SDCCAG8: variants seen among roughly 807,000 people sequenced by gnomAD.
The protein encoded by SDCCAG8 is SHH signaling and ciliogenesis regulator SDCCAG8.
A neutral mutation model predicts 101.8 loss-of-function variants in SDCCAG8; 74 were observed. The ratio of observed to expected loss-of-function variants is 0.73; its 90% CI spans 0.60 to 0.88. The LOEUF (loss-of-function observed/expected upper bound fraction) is 0.88, where lower values mean the gene tolerates loss of function less well. SDCCAG8 is among the 40% of genes least tolerant of loss of function. The pLI is 0.00. For synonymous variants in SDCCAG8, 281 were observed against 292.9 expected, an observed-to-expected ratio of 0.96 and a Z score of 0.41; for missense variants, 787 against 822.6, an observed-to-expected ratio of 0.96 and a Z score of 0.53.
intron 4 of SDCCAG8, among the ~76,000 whole-genome samples, chr1:243,278,750 A>G (rs996118479): frequency 1.3e-5 from 2 of 151,962 alleles, no homozygotes; most frequent in African/African-American, 2.4e-5. Flanking sequence ...TTTCCAATAT[A>G]TTTAGATTTT....
chr1:243,286,351 A>G lies in SDCCAG8; in HGVS notation c.500A>G (p.Gln167Arg), dbSNP rs1437289653. 1 of 1,613,926 alleles carries G rather than the reference A, an allele frequency of 6.2e-7. No individual in the cohort carries two copies. Among genetic ancestry groups the G allele is most frequent in the East Asian group, 2.2e-5 (1 of 44,896 alleles). The change falls in exon 5 of 18, where the codon CAA (glutamine) becomes CGA (arginine). Residue 167 changes from glutamine (Q) to arginine (R), a missense_variant. Physicochemically the swap from Gln to Arg is conservative, Grantham distance 43 (BLOSUM62 1). Coordinates refer to ENST00000366541, the MANE Select transcript of SDCCAG8 (RefSeq NM_006642.5). ...NEGLQQQLKS[Q>R]RQEETLREQT... Reference sequence around the variant, plus strand: ...GGGCTCCAGCAACAGCTAAAATCTCAAAGACAAGAGGAGACACTGAGGGAA... The same window carrying G: ...GGGCTCCAGCAACAGCTAAAATCTCGAAGACAAGAGGAGACACTGAGGGAA...
chr1:243,415,995 G>T (rs2080557883), intron 14 of SDCCAG8, among the ~76,000 whole-genome samples, 166 bp downstream of exon 14: 1 of 152,194 alleles, frequency 6.6e-6, no homozygotes, highest in South Asian at 2.1e-4. Flanking sequence ...GTTTAAAAGA[G>T]AAAATGGAAA....
At chr1:243,262,075 G>A (rs2067235108) in intron 1 of SDCCAG8, among the ~76,000 whole-genome samples, 2 of 150,876 alleles carry the variant, frequency 1.3e-5, no homozygotes, top group South Asian at 2.1e-4. Flanking sequence ...CTCCCAAAGT[G>A]CTGGGATTAC....
chr1:243,350,434 T>C (rs1179779338), intron 12 of SDCCAG8, among the ~76,000 whole-genome samples: 1 of 152,094 alleles, frequency 6.6e-6, no homozygotes, highest in Non-Finnish European at 1.5e-5. Context: ...CCCAGGCTGG[T>C]CTTGAACTCC....
At chr1:243,466,485 G>A (rs1421094619) in intron 16 of SDCCAG8, among the ~76,000 whole-genome samples, 2 of 152,174 alleles carry the variant, frequency 1.3e-5, no homozygotes, top group African/African-American at 4.8e-5. Context: ...TGTGCTATGC[G>A]ATTTTAGGGC....
At position 243,299,109 on chromosome 1, in the gene SDCCAG8, G is replaced by C. The variant is rs1573075517; in HGVS notation, c.676-5604G>C. ...TCAATAACCTTTCATAGTCTTCTGA[G>C]TGAAGGTTTCATACATCTTTCATTA... On this transcript the variant is annotated intron_variant, in intron 6 of 17. Transcript: ENST00000366541. Among the ~76,000 whole-genome samples the C allele has an allele frequency of 2.6e-5, 4 of 152,288 alleles. No homozygotes were observed. In the South Asian group the frequency reaches 8.3e-4, roughly 32 times the overall value.
At chr1:243,264,973 G>A (rs924074639) in intron 1 of SDCCAG8, among the ~76,000 whole-genome samples, 6 of 152,144 alleles carry the variant, frequency 3.9e-5, no homozygotes, top group Admixed American at 6.5e-5. Context: ...GATAGGAAAC[G>A]GTAACTGGAA....
chr1:243,280,203 T>G (rs1034709140), intron 4 of SDCCAG8, among the ~76,000 whole-genome samples: 1 of 152,194 alleles, frequency 6.6e-6, no homozygotes, highest in African/African-American at 2.4e-5. Flanking sequence ...GTTCATAGTA[T>G]TTCTTTGTTA....
intron 6 of SDCCAG8, among the ~76,000 whole-genome samples, chr1:243,300,065 A>G (rs144347108): frequency 0.017 from 2,614 of 151,750 alleles, 81 homozygotes; most frequent in African/African-American, 0.06. Context: ...GGGTTTCACT[A>G]TGTTTGCCAG....
At chr1:243,266,795 T>TAAAG (rs2067632874) in intron 1 of SDCCAG8, among the ~76,000 whole-genome samples, 5 of 61,488 alleles carry the variant, frequency 8.1e-5, no homozygotes, top group Non-Finnish European at 1.5e-4. Context: ...AAAAAGAAAT[T>TAAAG]AGCTGGGCAC....
In SDCCAG8 at chr1:243,324,267, G is replaced by C. The variant is rs567776215; in HGVS notation, c.1069-6273G>C. Among the ~76,000 whole-genome samples the C allele has an allele frequency of 2.4e-4, 37 of 152,060 alleles. No homozygotes were observed. The South Asian group carries it at 5.0e-3, about 21-fold the overall frequency. ...TCTCTATGATCGTCTTCAAACAAAG[G>C]CATCACCATCTTCACCGCAGTCCTG... On this transcript the variant is annotated intron_variant, in intron 9 of 17. Coordinates refer to ENST00000366541, the MANE Select transcript of SDCCAG8 (RefSeq NM_006642.5).
At chr1:243,262,104 C>CTGGCCT (rs1202709875) in intron 1 of SDCCAG8, among the ~76,000 whole-genome samples, 15 of 147,084 alleles carry the variant, frequency 1.0e-4, no homozygotes, top group Admixed American at 2.7e-4. Flanking sequence ...GCCACGGTGC[C>CTGGCCT]CGACTTTTTT....
intron 11 of SDCCAG8, among the ~76,000 whole-genome samples, chr1:243,342,476 G>C (rs1337500420): frequency 1.3e-5 from 2 of 152,226 alleles, no homozygotes; most frequent in African/African-American, 2.4e-5. Context: ...GCAGGGAACT[G>C]TAGGAGTGAA....
intron 12 of SDCCAG8, among the ~76,000 whole-genome samples, chr1:243,358,174 T>C (rs986584076): frequency 1.3e-5 from 2 of 151,982 alleles, no homozygotes; most frequent in Non-Finnish European, 2.9e-5. Context: ...CGGGAGAAAA[T>C]TTTTGGTAAC....
chr1:243,459,591 A>T (rs1177810898), intron 16 of SDCCAG8, among the ~76,000 whole-genome samples: 2 of 152,174 alleles, frequency 1.3e-5, no homozygotes, highest in African/African-American at 2.4e-5. Flanking sequence ...GTGATACTAA[A>T]ATATTTAGAA....
intron 13 of SDCCAG8, among the ~76,000 whole-genome samples, chr1:243,405,568 C>CTTAATTTAAAT (rs1170521780): frequency 6.6e-6 from 1 of 152,090 alleles, no homozygotes; most frequent in Non-Finnish European, 1.5e-5. Context: ...GTAAGTATGC[C>CTTAATTTAAAT]TACCTTGTTT....
intron 13 of SDCCAG8, among the ~76,000 whole-genome samples, chr1:243,412,206 T>C (rs1364144472): frequency 6.6e-6 from 1 of 152,188 alleles, no homozygotes; most frequent in Non-Finnish European, 1.5e-5. Flanking sequence ...ATTTACATTC[T>C]TCTCTAGTTG....
intron 6 of SDCCAG8, among the ~76,000 whole-genome samples, chr1:243,296,203 T>C (rs1462473666): frequency 2.6e-5 from 4 of 151,972 alleles, no homozygotes; most frequent in Non-Finnish European, 5.9e-5. Flanking sequence ...GCCATGCTGC[T>C]CAAGCTAGTC....
At chr1:243,429,941 G>A (rs1017208741) in intron 16 of SDCCAG8, among the ~76,000 whole-genome samples, 13 of 151,944 alleles carry the variant, frequency 8.6e-5, no homozygotes, top group Admixed American at 3.3e-4. Flanking sequence ...GACCTGAGGT[G>A]ATCCGCCTAC....
Sources: gnomAD v4.1 joint callset for allele counts (sites outside exome capture counted in the v4.1 genomes callset) on GRCh38, gnomAD v4.1.1 for gene constraint, MANE v1.5 for transcripts, NCBI Gene and HGNC (gene_info 2026-07-23, HGNC 2026-07-21) for gene names.